The following MYO18A variants were observed in gnomAD, a reference collection of about 807,000 sequenced individuals.
MYO18A encodes the protein unconventional myosin-XVIIIa.
MYO18A carries 78 observed loss-of-function variants against 235.8 expected under a neutral mutation model. The ratio of observed to expected loss-of-function variants is 0.33; its 90% CI spans 0.28 to 0.40. The LOEUF (loss-of-function observed/expected upper bound fraction) is 0.40, where lower values mean the gene tolerates loss of function less well. Among genes scored for constraint, MYO18A ranks in the 10% least tolerant of loss-of-function variants. MYO18A has a pLI of 1.00. For missense variants in MYO18A, 2,215 were observed against 2,699.3 expected, an observed-to-expected ratio of 0.82 and a Z score of 3.98; for synonymous variants, 977 against 1,077.8, an observed-to-expected ratio of 0.91 and a Z score of 1.83.
intron 12 of MYO18A, 50 bp downstream of exon 12, chr17:29,115,614 C>T (rs2067040304): frequency 6.5e-7 from 1 of 1,533,304 alleles, no homozygotes; most frequent in Non-Finnish European, 8.8e-7. Flanking sequence ...GGCAGCAAGC[C>T]CCAGATGAGG....
rs373349132 is a variant in MYO18A at position 29,121,157 on chromosome 17, C to T, written c.1426G>A (p.Ala476Thr). ...GCCCTGTATGCGGTCTGGGCCACTG[C>T]ATAGATGTGGGGTGCCATGTCCTCC... ...RREDMAPHIY[A>T]VAQTAYRAML... is the part of the protein sequence containing the mutation. Residue 476 changes from alanine (A) to threonine (T), a missense_variant, in exon 6 of 42, where the codon GCA (alanine) becomes ACA (threonine). Physicochemically the swap from Ala to Thr is moderately conservative, Grantham distance 58. Transcript: ENST00000527372. This position sits in a 1 kb window ranked among gnomAD's most constrained non-coding sequence, Gnocchi z 4.2. 9 of 1,610,658 alleles carry T rather than the reference C, an allele frequency of 5.6e-6. No individual in the cohort carries two copies. The highest frequency in any genetic ancestry group is 1.6e-4 in the Middle Eastern group (1 of 6,082).
At chr17:29,093,876 T>C in intron 31 of MYO18A, 104 bp downstream of exon 31, 1 of 786,628 alleles carries the variant, frequency 1.3e-6, no homozygotes, top group Non-Finnish European at 2.1e-6. Flanking sequence ...AGAATGACAA[T>C]GGAAGACGAT....
chr17:29,097,121 C>A, intron 27 of MYO18A, 102 bp downstream of exon 27: 1 of 1,521,022 alleles, frequency 6.6e-7, no homozygotes, highest in Non-Finnish European at 8.8e-7. Flanking sequence ...CCGATCCATT[C>A]CAGCCAGGCC....
rs1387747768 is a variant in MYO18A at position 29,094,854 on chromosome 17, G to T, written c.4510-4C>A. The T allele has an allele frequency of 6.2e-7, 1 of 1,614,012 alleles. No homozygotes were observed. On this transcript the variant is annotated splice_region_variant and splice_polypyrimidine_tract_variant and intron_variant, in intron 29 of 41. Transcript: ENST00000527372. The stretch of plus-strand genomic sequence containing the variant: ...CTGCAATGTCCATGTCTTTTTCCTG[G>T]AGCAAAAGAGATGAGGCTGGTGCAG...
At position 29,105,190 on chromosome 17, in the gene MYO18A, A is replaced by G. The variant is rs867388674; in HGVS notation, c.3442-1526T>C. Among the ~76,000 whole-genome samples the G allele has an allele frequency of 3.2e-4, 48 of 150,640 alleles. No individual in the cohort carries two copies. In the South Asian group the frequency reaches 5.0e-3, roughly 16 times the overall value. ...CTGTCTCAAAAAAAAAAAAAAAAAA[A>G]AAAAAAGAAAAGTGCCGGTTGGCTC... is the stretch of plus-strand genomic sequence containing the variant. On this transcript the variant is annotated intron_variant, in intron 20 of 41. Coordinates refer to ENST00000527372, the MANE Select transcript of MYO18A (RefSeq NM_078471.4).
At chr17:29,128,473 T>G in intron 2 of MYO18A, 1 of 1,288,940 alleles carries the variant, frequency 7.8e-7, no homozygotes, top group Non-Finnish European at 1.0e-6. Flanking sequence ...GGGAAGTCTC[T>G]GGGGGTATCG....
chr17:29,121,592 C>A lies in MYO18A; in HGVS notation c.1326G>T (p.Leu442=), dbSNP rs1218936479. 1 of 1,601,878 alleles carries A rather than the reference C, an allele frequency of 6.2e-7. No homozygotes were observed. Among genetic ancestry groups the A allele is most frequent in the Non-Finnish European group, 8.5e-7 (1 of 1,174,774 alleles). ...SLLHTYAGPS[L]LVLGPRGAPA... ...GGGCCCCACGGGGGCCAAGAACCAG[C>A]AGGCTGGGGCCAGCATACGTGTGCA... Residue 442 remains leucine (L), a synonymous_variant, in exon 5 of 42, where the codon CTG becomes CTT. Transcript: ENST00000527372. The surrounding 1 kb of genome is among the most constrained non-coding windows in gnomAD (Gnocchi z 4.2).
intron 2 of MYO18A, among the ~76,000 whole-genome samples, chr17:29,138,851 C>T (rs1473002045): frequency 6.6e-6 from 1 of 152,206 alleles, no homozygotes; most frequent in Non-Finnish European, 1.5e-5. Flanking sequence ...CCCTGGTTCA[C>T]CTGCACTGTT....
chr17:29,146,801 G>A (rs972657293), intron 2 of MYO18A, among the ~76,000 whole-genome samples: 3 of 152,202 alleles, frequency 2.0e-5, no homozygotes, highest in African/African-American at 7.2e-5. Flanking sequence ...GCCTGTAGCC[G>A]GTTCTACTGC....
chr17:29,119,887 T>G (rs2067157097), intron 7 of MYO18A, among the ~76,000 whole-genome samples: 1 of 151,276 alleles, frequency 6.6e-6, no homozygotes, highest in Non-Finnish European at 1.5e-5. Flanking sequence ...TTAAGTCTTT[T>G]TTTTTTAAGA....
rs78839711 is a variant in MYO18A, at chr17:29,074,087, G to C, written c.*683C>G. ...TTGCTCAACCCAGCCCAGCAGCACC[G>C]GAGAGCCCCTCCGCACCTCATTCTT... On this transcript the variant is annotated 3_prime_UTR_variant, in exon 42 of 42. Transcript: ENST00000527372. This position sits in a 1 kb window ranked among gnomAD's most constrained non-coding sequence, Gnocchi z 4.4. 3 of 1,614,004 alleles carry C rather than the reference G, an allele frequency of 1.9e-6. No individual in the cohort carries two copies. The South Asian group carries it at 3.3e-5, about 18-fold the overall frequency.
At chr17:29,179,820 A>G (rs2068609197) in intron 1 of MYO18A, among the ~76,000 whole-genome samples, 1 of 152,070 alleles carries the variant, frequency 6.6e-6, no homozygotes, top group Admixed American at 6.5e-5. Flanking sequence ...GCAGTGAAAG[A>G]GTGAAGGCCG....
Position 29,118,320 on chromosome 17 carries a change from G to A in MYO18A, c.1893+57C>T, listed in dbSNP as rs2152847442. 1 of 1,574,464 alleles carries A rather than the reference G, an allele frequency of 6.4e-7. No individual in the cohort carries two copies. The highest frequency in any genetic ancestry group is 8.7e-7 in the Non-Finnish European group (1 of 1,153,684). On this transcript the variant is annotated intron_variant, in intron 9 of 41. Transcript: ENST00000527372. The surrounding 1 kb of genome is among the most constrained non-coding windows in gnomAD (Gnocchi z 4.2). Reference sequence around the variant, plus strand: ...CCACTATTCCCACAGGACCCATGGAGGCTTCTCCTACCCCCAAGGCCCAGG... The same window carrying A: ...CCACTATTCCCACAGGACCCATGGAAGCTTCTCCTACCCCCAAGGCCCAGG...
At chr17:29,170,777 G>C (rs2068383711) in intron 1 of MYO18A, among the ~76,000 whole-genome samples, 1 of 152,202 alleles carries the variant, frequency 6.6e-6, no homozygotes, top group African/African-American at 2.4e-5. Context: ...CACTTTAAGA[G>C]AGTAAGCATC....
chr17:29,167,011 C>T lies in MYO18A; in HGVS notation c.-71G>A. ...GTGCTTAGCACAGGGCCTTGGTGCCCCACTTTGCTGCTGCAAACAGAAACA... is the reference window on the plus strand; with the variant it reads ...GTGCTTAGCACAGGGCCTTGGTGCCTCACTTTGCTGCTGCAAACAGAAACA... On this transcript the variant is annotated 5_prime_UTR_variant, in exon 2 of 42. Transcript: ENST00000527372. 1 of 1,451,420 alleles carries T rather than the reference C, an allele frequency of 6.9e-7. No individual in the cohort carries two copies. Among genetic ancestry groups the T allele is most frequent in the Non-Finnish European group, 9.1e-7 (1 of 1,100,166 alleles). 89.9% of individuals were successfully genotyped at this position (1,451,420 alleles called of 1,614,324 possible). A position where few individuals can be genotyped will look rare whatever the true frequency, so the allele number is the denominator to read the frequency against.
chr17:29,111,414 G>A lies in MYO18A; in HGVS notation c.2900+10C>T. 1.9e-6 allele frequency: 3 copies of A among 1,611,088 alleles called. No individual in the cohort carries two copies. The highest frequency in any genetic ancestry group is 4.5e-5 in the East Asian group (2 of 44,816). ...GTACAGAACAGGGGCGGAGGGAGTG[G>A]TGGTCTTACTTCTGGGAGTCCTGCA... On this transcript the variant is annotated intron_variant, in intron 17 of 41. Transcript: ENST00000527372. This position sits in a 1 kb window ranked among gnomAD's most constrained non-coding sequence, Gnocchi z 5.1.
Position 29,108,833 on chromosome 17 carries a change from G to A in MYO18A, c.3331+1025C>T, listed in dbSNP as rs553684178. ...TGCTATAGTGCGGTGGCTGGGGGCC[G>A]GGTGAGGGAAGGGGGGCCTGCCGCT... On this transcript the variant is annotated intron_variant, in intron 19 of 41. Transcript: ENST00000527372. Among the ~76,000 whole-genome samples the A allele has an allele frequency of 3.3e-5, 5 of 152,300 alleles. No individual in the cohort carries two copies. The South Asian group carries it at 6.2e-4, about 19-fold the overall frequency.
intron 7 of MYO18A, 34 bp from the exon 8 acceptor site, chr17:29,119,469 G>A (rs1339915608): frequency 3.2e-6 from 5 of 1,539,240 alleles, no homozygotes; most frequent in African/African-American, 1.4e-5. Flanking sequence ...GGTAAGGAGG[G>A]TAGTGCCAGA....
chr17:29,124,027 G>A (rs867099076), intron 2 of MYO18A, among the ~76,000 whole-genome samples: 1 of 148,024 alleles, frequency 6.8e-6, no homozygotes, highest in African/African-American at 2.5e-5. Context: ...CAGCCTGGGC[G>A]ACAGAGCGAG....
Sources: gnomAD v4.1 joint callset for allele counts (sites outside exome capture counted in the v4.1 genomes callset) on GRCh38, gnomAD v4.1.1 for gene constraint, Gnocchi (gnomAD v3.1) non-coding constraint, MANE v1.5 for transcripts, NCBI Gene and HGNC (gene_info 2026-07-23, HGNC 2026-07-21) for gene names.